The following CDC34 variants were observed in gnomAD, a reference collection of about 807,000 sequenced individuals.
The protein encoded by CDC34 is cell division cycle 34, ubiquitin conjugating enzyme.
Under a neutral mutation model 26.8 loss-of-function variants are expected in CDC34, and 18 were observed. The observed-to-expected ratio is 0.67, with a 90% CI of 0.47 to 1.00. CDC34 has a LOEUF of 1.00. Ranked by LOEUF, CDC34 falls within the 50% of genes least tolerant of loss-of-function variation. The pLI, the probability that CDC34 is intolerant of heterozygous loss-of-function variation, is 0.00. For synonymous variants in CDC34, 178 were observed against 147.5 expected (o/e 1.21, Z -1.50); for missense variants, 280 against 334.5 (o/e 0.84, Z 1.27).
At position 538,583 on chromosome 19, in the gene CDC34, C is replaced by T. The variant is rs183289861; in HGVS notation, c.497+1436C>T. ...TATTGCATAGATTTCCTCACAGAGG[C>T]CTCACCTATTTTTGTTGGTATTTTG... On this transcript the variant is annotated intron_variant, in intron 4 of 4. Transcript: ENST00000215574. The T allele has an allele frequency of 1.1e-3, 465 of 415,048 alleles. 2 individuals are homozygous for T. The highest frequency in any genetic ancestry group is 9.2e-3 in the African/African-American group (425 of 46,166). The allele number at this position is 415,048 out of a possible 1,614,324, so 25.7% of individuals were successfully genotyped here. A position where few individuals can be genotyped will look rare whatever the true frequency, so the allele number is the denominator to read the frequency against.
At position 531,951 on chromosome 19, in the gene CDC34, C is replaced by T; in HGVS notation, c.20C>T (p.Pro7Leu). The T allele has an allele frequency of 6.8e-7, 1 of 1,466,096 alleles. No individual in the cohort carries two copies. The highest frequency in any genetic ancestry group is 9.0e-7 in the Non-Finnish European group (1 of 1,112,860). The allele number at this position is 1,466,096 out of a possible 1,614,324, so 90.8% of individuals were successfully genotyped here. MARPLV[P>L]SSQKALLLEL... ...GCCGCCATGGCTCGGCCGCTAGTGC[C>T]CAGCTCGCAGAAGGCGCTGCTGCTG... The change falls in exon 1 of 5, where the codon CCC becomes CTC. Residue 7 changes from proline to leucine, a missense_variant. Transcript: ENST00000215574.
Position 538,796 on chromosome 19 carries a change from C to T in CDC34, c.497+1649C>T, listed in dbSNP as rs1019180092. 5.1e-5 allele frequency: 50 copies of T among 985,264 alleles called. No homozygotes were observed. The South Asian group carries it at 1.9e-3, about 37-fold the overall frequency. The allele number at this position is 985,264 out of a possible 1,614,324, so 61.0% of individuals were successfully genotyped here. A position where few individuals can be genotyped will look rare whatever the true frequency, so the allele number is the denominator to read the frequency against. On this transcript the variant is annotated intron_variant, in intron 4 of 4. Coordinates refer to ENST00000215574, the MANE Select transcript of CDC34 (RefSeq NM_004359.2). ...CTCGGCTCTGAGCAGCCATGGTGGGCGGGCCCCGTGCGGCCTCCTGGGAAG... is the reference window on the plus strand; with the variant it reads ...CTCGGCTCTGAGCAGCCATGGTGGGTGGGCCCCGTGCGGCCTCCTGGGAAG...
intron 4 of CDC34, chr19:538,904 C>G: frequency 1.0e-6 from 1 of 985,308 alleles, no homozygotes; most frequent in Non-Finnish European, 1.2e-6. Flanking sequence ...CCTCGGTGGC[C>G]CCGGTCCGGT....
rs1184112445 is a variant in CDC34 at position 538,902 on chromosome 19, G to A, written c.497+1755G>A. The A allele has an allele frequency of 1.6e-5, 16 of 985,316 alleles. No individual in the cohort carries two copies. The South Asian group carries it at 6.1e-4, about 38-fold the overall frequency. 61.0% of individuals were successfully genotyped at this position (985,316 alleles called of 1,614,324 possible). On this transcript the variant is annotated intron_variant, in intron 4 of 4. Coordinates refer to ENST00000215574, the MANE Select transcript of CDC34 (RefSeq NM_004359.2). ...CCCTCTGGTGCAGATGTCCTCGGTG[G>A]CCCCGGTCCGGTCGTGTCACCTGGC...
At chr19:538,989 G>A in intron 4 of CDC34, 1 of 985,346 alleles carries the variant, frequency 1.0e-6, no homozygotes, top group Middle Eastern at 5.2e-4. Flanking sequence ...CCACCTCCTT[G>A]AGATCCCAGC....
chr19:533,592 G>A (rs1296355833), intron 1 of CDC34, among the ~76,000 whole-genome samples: 3 of 152,232 alleles, frequency 2.0e-5, no homozygotes, highest in African/African-American at 7.2e-5. Flanking sequence ...CTGAGGAGCC[G>A]CAGCCCCACC....
At position 541,613 on chromosome 19, in the gene CDC34, CGACA is replaced by C. The variant is rs575169224; in HGVS notation, c.*65_*68del. 3.2e-5 allele frequency: 48 copies of C among 1,487,744 alleles called. No individual in the cohort carries two copies. The East Asian group carries it at 6.6e-4, about 20-fold the overall frequency. The allele number at this position is 1,487,744 out of a possible 1,614,324, so 92.2% of individuals were successfully genotyped here. ...AGGGCCGGACCCGTGGCTCCTTAGA[CGACA>C]GACTACCTCACGGAGGTTTTGTGCT... On this transcript the variant is annotated 3_prime_UTR_variant, in exon 5 of 5. Transcript: ENST00000215574.
chr19:535,994 C>T (rs1386764734), intron 2 of CDC34, 71 bp downstream of exon 2: 2 of 1,439,148 alleles, frequency 1.4e-6, no homozygotes, highest in Non-Finnish European at 1.9e-6. Context: ...CTCACGTCCT[C>T]ATCCTTCCGG....
chr19:541,627 A>C lies in CDC34; in HGVS notation c.*75A>C. 7.2e-5 allele frequency: 105 copies of C among 1,451,858 alleles called. No individual in the cohort carries two copies. Among genetic ancestry groups the C allele is most frequent in the Non-Finnish European group, 8.6e-5 (94 of 1,090,454 alleles). The allele number at this position is 1,451,858 out of a possible 1,614,324, so 89.9% of individuals were successfully genotyped here. ...GGCTCCTTAGACGACAGACTACCTC[A>C]CGGAGGTTTTGTGCTGGTCCCCGTC... On this transcript the variant is annotated 3_prime_UTR_variant, in exon 5 of 5. Transcript: ENST00000215574.
intron 4 of CDC34, among the ~76,000 whole-genome samples, chr19:540,805 G>C (rs374959120): frequency 0.069 from 980 of 14,306 alleles, 188 homozygotes; most frequent in East Asian, 0.23. Flanking sequence ...CAGGCCCCCC[G>C]GTTTAGAATC....
chr19:536,361 G>T (rs1204463227), intron 3 of CDC34, 21 bp downstream of exon 3: 2 of 1,580,062 alleles, frequency 1.3e-6, no homozygotes, highest in Non-Finnish European at 1.7e-6. Flanking sequence ...CCAACCCCCT[G>T]TGTCCACCCA....
intron 4 of CDC34, among the ~76,000 whole-genome samples, chr19:540,728 CCGGGTTTAGAATCCGGAGGCTGGGATGG>C (rs1568332294): frequency 5.2e-3 from 382 of 73,758 alleles, no homozygotes; most frequent in East Asian, 0.01. Context: ...GGCCAGGCCC[CCGGGTTTAGAATCCGGAGGCTGGGATGG>C]CCAGGCCCCC....
In CDC34 at chr19:532,123, C is replaced by CCGGG. The variant is rs1979516827; in HGVS notation, c.177+16_177+17insGGGC. 6.7e-7 allele frequency: 1 copy of CCGGG among 1,484,946 alleles called. No individual in the cohort carries two copies. The highest frequency in any genetic ancestry group is 1.5e-5 in the African/African-American group (1 of 67,128). The allele number at this position is 1,484,946 out of a possible 1,614,324, so 92.0% of individuals were successfully genotyped here. On this transcript the variant is annotated intron_variant, in intron 1 of 4. Coordinates refer to ENST00000215574, the MANE Select transcript of CDC34 (RefSeq NM_004359.2). Reference sequence around the variant, plus strand: ...GCTACTTCAAGGTGAGCGCGGCGACCCCCGCCCGGGTCCCGGAGCCCACGA... The same window carrying CCGGG: ...GCTACTTCAAGGTGAGCGCGGCGACCCGGGCCCGCCCGGGTCCCGGAGCCCACGA...
At chr19:535,157 G>A (rs1054543364) in intron 1 of CDC34, among the ~76,000 whole-genome samples, 1 of 152,206 alleles carries the variant, frequency 6.6e-6, no homozygotes. Context: ...CTCTGTGGCC[G>A]TCCTTGCCAG....
chr19:538,003 G>T (rs551664238), intron 4 of CDC34, among the ~76,000 whole-genome samples: 2 of 152,300 alleles, frequency 1.3e-5, no homozygotes, highest in South Asian at 2.1e-4. Flanking sequence ...TCAGTTTAAC[G>T]CATGTCTGTG....
Position 532,076 on chromosome 19 carries a change from C to T in CDC34, c.145C>T (p.Pro49Ser). ...CTGGGAGGTGGCCATCTTCGGGCCCCCCAACACCTACTACGAGGGCGGCTA... is the reference window on the plus strand; with the variant it reads ...CTGGGAGGTGGCCATCTTCGGGCCCTCCAACACCTACTACGAGGGCGGCTA... ...YNWEVAIFGPPNTYYEGGYFK... is the reference protein window; with the variant it reads ...YNWEVAIFGPSNTYYEGGYFK... Residue 49 changes from proline (P) to serine (S), a missense_variant, in exon 1 of 5, where the codon CCC (proline) becomes TCC (serine). Coordinates refer to ENST00000215574, the MANE Select transcript of CDC34 (RefSeq NM_004359.2). 4 of 1,523,758 alleles carry T rather than the reference C, an allele frequency of 2.6e-6. No homozygotes were observed. The highest frequency in any genetic ancestry group is 3.5e-6 in the Non-Finnish European group (4 of 1,144,334). The allele number at this position is 1,523,758 out of a possible 1,614,324, so 94.4% of individuals were successfully genotyped here. A position where few individuals can be genotyped will look rare whatever the true frequency, so the allele number is the denominator to read the frequency against.
chr19:537,561 C>G (rs1979814103), intron 4 of CDC34, among the ~76,000 whole-genome samples: 1 of 151,428 alleles, frequency 6.6e-6, no homozygotes, highest in Non-Finnish European at 1.5e-5. Context: ...AGCGTGTTAG[C>G]CAGGATGGTC....
chr19:535,858 G>A lies in CDC34; in HGVS notation c.199G>A (p.Asp67Asn). Residue 67 changes from aspartate to asparagine, a missense_variant, in exon 2 of 5, where the codon GAC becomes AAC. Physicochemically the swap from Asp to Asn is conservative, Grantham distance 23 (BLOSUM62 1). Coordinates refer to ENST00000215574, the MANE Select transcript of CDC34 (RefSeq NM_004359.2). ...GCAGGCGCGCCTCAAGTTCCCCATC[G>A]ACTACCCATACTCTCCACCAGCCTT... The part of the protein sequence containing the change: ...YFKARLKFPI[D>N]YPYSPPAFRF... The A allele has an allele frequency of 1.9e-6, 3 of 1,613,828 alleles. No individual in the cohort carries two copies. The highest frequency in any genetic ancestry group is 2.5e-6 in the Non-Finnish European group (3 of 1,179,976).
In CDC34 at chr19:541,488, T is replaced by A. The variant is rs1980014108; in HGVS notation, c.647T>A (p.Val216Glu). Residue 216 changes from valine (V) to glutamate (E), a missense_variant, in exon 5 of 5, where the codon GTG becomes GAG. Physicochemically the swap from Val to Glu is moderately radical, Grantham distance 121 (BLOSUM62 -2). Transcript: ENST00000215574. ...GACGACTACTACGAGGACGGCGAGG[T>A]GGAGGAGGAGGCCGACAGCTGCTTC... is the stretch of plus-strand genomic sequence containing the variant. Reference protein sequence around the residue: ...FYDDYYEDGEVEEEADSCFGD... With the variant: ...FYDDYYEDGEEEEEADSCFGD... 1 of 1,611,100 alleles carries A rather than the reference T, an allele frequency of 6.2e-7. No individual in the cohort carries two copies. The highest frequency in any genetic ancestry group is 2.2e-5 in the East Asian group (1 of 44,794).
Sources: allele counts gnomAD v4.1 joint callset (sites outside exome capture counted in the v4.1 genomes callset), GRCh38; gene constraint gnomAD v4.1.1; transcripts MANE v1.5; gene names NCBI Gene and HGNC (gene_info 2026-07-23, HGNC 2026-07-21).